Variants in L1CAM observed in about 807,000 individuals in gnomAD.
L1CAM encodes neural cell adhesion molecule L1.
Under a neutral mutation model 93.0 loss-of-function variants are expected in L1CAM, and 8 were observed. That is an observed-to-expected ratio of 0.09 (90% CI 0.05 to 0.16). L1CAM has a LOEUF of 0.16. Ranked by LOEUF, L1CAM falls within the 10% of genes least tolerant of loss-of-function variation. The probability of loss-of-function intolerance (pLI) is 1.00; values close to 1 mark genes in which losing one functional copy is unlikely to be tolerated. For missense variants in L1CAM, 777 were observed against 1,073.4 expected (o/e 0.72, Z 3.86); for synonymous variants, 453 against 453.0 (o/e 1.00, Z 0.00).
chrX:153,872,906 C>T, intron 3 of L1CAM: 1 of 456,187 alleles, frequency 2.2e-6, no homozygotes, highest in South Asian at 3.2e-5. Context: ...CAAAGAGATG[C>T]CTGAGAAAGA....
In L1CAM at chrX:153,865,382, C is replaced by T; in HGVS notation, c.2666G>A (p.Ser889Asn). The T allele has an allele frequency of 8.3e-7, 1 of 1,211,463 alleles. No individual in the cohort carries two copies. Among genetic ancestry groups the T allele is most frequent in the Non-Finnish European group, 1.1e-6 (1 of 895,406 alleles). ...SVILSGLRPY[S>N]SYHLEVQAFN... ...GGCCTGCACCTCCAGGTGGTAGGAG[C>T]TATAGGGCCGCAAGCCACTGAGGAT... Residue 889 changes from serine to asparagine, a missense_variant, in exon 21 of 29, where the codon AGC (serine) becomes AAC (asparagine). This residue lies in a region of L1CAM where 574 missense variants were observed against 781.0 expected (regional missense o/e 0.73). Coordinates refer to ENST00000370060, the MANE Select transcript of L1CAM (RefSeq NM_001278116.2).
At chrX:153,872,064 C>A (rs782518672) in intron 5 of L1CAM, 88 bp downstream of exon 5, 62 of 826,069 alleles carry the variant, frequency 7.5e-5, no homozygotes, top group Non-Finnish European at 1.0e-4. Flanking sequence ...CCCCTCGCCA[C>A]GAGACAACTG....
chrX:153,865,129 T>G lies in L1CAM; in HGVS notation c.2831A>C (p.His944Pro), dbSNP rs782391071. 8.3e-7 allele frequency: 1 copy of G among 1,210,282 alleles called. No individual in the cohort carries two copies. The highest frequency in any genetic ancestry group is 2.2e-5 in the Admixed American group (1 of 46,006). Residue 944 changes from histidine (H) to proline (P), a missense_variant, in exon 22 of 29, where the codon CAC (histidine) becomes CCC (proline). This residue lies in a region of L1CAM where 71 missense variants were observed against 77.4 expected (regional missense o/e 0.92). Transcript: ENST00000370060. ...CACGTAGCCGGTGAGCACGCCGTTG[T>G]GGCTGAGTGGGGGCTGCCAGCGCAG... Reference protein sequence around the residue: ...LLLRWQPPLSHNGVLTGYVLS... With the variant: ...LLLRWQPPLSPNGVLTGYVLS...
In L1CAM at chrX:153,870,368, C is replaced by A; in HGVS notation, c.806+20G>T. On this transcript the variant is annotated intron_variant, in intron 8 of 28. Transcript: ENST00000370060. ...CGCCACCCTGCCCTGCCCTGCCCTG[C>A]CCTGGGTTCCCAGACTCACAAGCCC... 2.5e-6 allele frequency: 3 copies of A among 1,199,498 alleles called. No individual in the cohort carries two copies. The highest frequency in any genetic ancestry group is 2.2e-5 in the Admixed American group (1 of 46,153).
chrX:153,866,806 C>G lies in L1CAM; in HGVS notation c.2274G>C (p.Gly758=), dbSNP rs2071643. The G allele has an allele frequency of 6.6e-6, 8 of 1,211,440 alleles. No homozygotes were observed. Among genetic ancestry groups the G allele is most frequent in the Non-Finnish European group, 8.9e-6 (8 of 895,259 alleles). Residue 758 remains glycine, a synonymous_variant, in exon 19 of 29, where the codon GGG becomes GGC. Coordinates refer to ENST00000370060, the MANE Select transcript of L1CAM (RefSeq NM_001278116.2). ...TCTGCTCCTGCCAGGGCCCTCGTGT[C>G]CCCTGAGGGCGCCACTGCACGCGGT... ...VQYRVQWRPQ[G]TRGPWQEQIV... is the part of the protein sequence containing the mutation.
chrX:153,864,503 G>GGGGT, intron 24 of L1CAM, 26 bp from the exon 25 acceptor site: 1 of 1,209,909 alleles, frequency 8.3e-7, no homozygotes, highest in Non-Finnish European at 1.1e-6. Flanking sequence ...GGTGGCAGCA[G>GGGGT]GGGTGAGTCG....
At chrX:153,872,441 G>A in intron 4 of L1CAM, 87 bp from the exon 5 acceptor site, 1 of 996,347 alleles carries the variant, frequency 1.0e-6, no homozygotes, top group Non-Finnish European at 1.4e-6. Context: ...CAAGCAGCCA[G>A]GGCCCCCAGG....
rs367891075 is a variant in L1CAM, at chrX:153,864,724, C to T, written c.3047-20G>A. 9 of 1,211,995 alleles carry T rather than the reference C, an allele frequency of 7.4e-6. No individual in the cohort carries two copies. Among genetic ancestry groups the T allele is most frequent in the Middle Eastern group, 4.6e-4 (2 of 4,352 alleles). On this transcript the variant is annotated intron_variant, in intron 23 of 28. Coordinates refer to ENST00000370060, the MANE Select transcript of L1CAM (RefSeq NM_001278116.2). ...AGATCCCTGGGGGGATGCAGGGGAA[C>T]GAGGAGAGTGTGGCAGCTGCCAGGA...
chrX:153,863,617 C>A (rs990596473), intron 26 of L1CAM, 68 bp from the exon 27 acceptor site: 1 of 993,710 alleles, frequency 1.0e-6, no homozygotes, highest in Non-Finnish European at 1.4e-6. Context: ...GGCCCCTCTA[C>A]GCCCCGCACC....
chrX:153,869,479 A>G (rs2064746724), intron 11 of L1CAM, 41 bp downstream of exon 11: 2 of 1,201,705 alleles, frequency 1.7e-6, no homozygotes, highest in Non-Finnish European at 2.3e-6. Flanking sequence ...GGCTGCAGGG[A>G]CAGACTGGGA....
chrX:153,872,978 G>A lies in L1CAM; in HGVS notation c.91+250C>T, dbSNP rs2064786034. On this transcript the variant is annotated intron_variant, in intron 3 of 28. Coordinates refer to ENST00000370060, the MANE Select transcript of L1CAM (RefSeq NM_001278116.2). ...AAGCCAAGACACAGAAACCAAGAAG[G>A]ACAAACCCCAGACAGGGGAGAAGGG... 6.6e-6 allele frequency: 3 copies of A among 452,582 alleles called. No homozygotes were observed. The Admixed American group carries it at 1.1e-4, about 17-fold the overall frequency. 37.3% of individuals were successfully genotyped at this position (452,582 alleles called of 1,213,427 possible).
chrX:153,877,763 C>T (rs1377903819), intron 1 of L1CAM, among the ~76,000 whole-genome samples: 1 of 112,724 alleles, frequency 8.9e-6, no homozygotes, highest in Non-Finnish European at 1.9e-5. Flanking sequence ...GGCCTCCTCC[C>T]TTCCAGATGC....
chrX:153,872,098 A>G (rs781902689), intron 5 of L1CAM, 54 bp downstream of exon 5: 8 of 1,057,992 alleles, frequency 7.6e-6, no homozygotes, highest in Admixed American at 4.4e-5. Flanking sequence ...TCCAGCCCAC[A>G]ATCCCACACG....
Position 153,862,652 on chromosome X carries a change from C to G in L1CAM, c.*11G>C. On this transcript the variant is annotated 3_prime_UTR_variant, in exon 29 of 29. Transcript: ENST00000370060. ...AGGCCAGGGGCACAGCATCTCCTGT[C>G]CTGGACTCCACTATTCTAGGGCCAC... The G allele has an allele frequency of 2.5e-6, 3 of 1,188,397 alleles. No homozygotes were observed. The South Asian group carries it at 5.4e-5, about 21-fold the overall frequency.
intron 18 of L1CAM, 80 bp from the exon 19 acceptor site, chrX:153,866,951 A>G (rs2064719752): frequency 1.8e-6 from 2 of 1,115,618 alleles, no homozygotes; most frequent in Non-Finnish European, 2.5e-6. Flanking sequence ...ACAAACCAGC[A>G]TCCCCAGACA....
Position 153,875,888 on chromosome X carries a change from G to C in L1CAM, c.-52C>G. On this transcript the variant is annotated 5_prime_UTR_variant, in exon 2 of 29. Coordinates refer to ENST00000370060, the MANE Select transcript of L1CAM (RefSeq NM_001278116.2). ...GCCAGCCGGGCTCGGTTCAGGCTCC[G>C]GCCGGAGGGGAAGGGGGCTGGTGGG... 1 of 1,127,566 alleles carries C rather than the reference G, an allele frequency of 8.9e-7. No individual in the cohort carries two copies. The highest frequency in any genetic ancestry group is 1.2e-6 in the Non-Finnish European group (1 of 829,135). The allele number at this position is 1,127,566 out of a possible 1,213,427, so 92.9% of individuals were successfully genotyped here.
At chrX:153,883,747 C>T (rs1273504422) in intron 1 of L1CAM, 1 of 340,967 alleles carries the variant, frequency 2.9e-6, no homozygotes, top group Non-Finnish European at 5.9e-6. Context: ...CCTGGCAGAC[C>T]TCCTCACAGG....
intron 1 of L1CAM, among the ~76,000 whole-genome samples, chrX:153,883,190 C>G (rs781829963): frequency 1.8e-5 from 2 of 110,883 alleles, no homozygotes; most frequent in African/African-American, 6.6e-5. Flanking sequence ...GCAGGGGCAG[C>G]TGGGGGGGAC....
In L1CAM at chrX:153,865,354, A is replaced by C; in HGVS notation, c.2694T>G (p.Phe898Leu). The change falls in exon 21 of 29, where the codon TTT becomes TTG. Residue 898 changes from phenylalanine to leucine, a missense_variant. By Grantham distance (22) the Phe-to-Leu change is conservative (BLOSUM62 0). This residue lies in a region of L1CAM where 574 missense variants were observed against 781.0 expected (regional missense o/e 0.73). Coordinates refer to ENST00000370060, the MANE Select transcript of L1CAM (RefSeq NM_001278116.2). ...YSSYHLEVQA[F>L]NGRGSGPASE... ...TGGCGGGCCCCGATCCTCGCCCGTT[A>C]AAGGCCTGCACCTCCAGGTGGTAGG... The C allele has an allele frequency of 8.3e-7, 1 of 1,211,283 alleles. No homozygotes were observed. Among genetic ancestry groups the C allele is most frequent in the Non-Finnish European group, 1.1e-6 (1 of 895,419 alleles).
Sources: gnomAD v4.1 joint callset for allele counts (sites outside exome capture counted in the v4.1 genomes callset) on GRCh38, gnomAD v4.1.1 for gene constraint, gnomAD v4.1.1 regional missense constraint, MANE v1.5 for transcripts, NCBI Gene and HGNC (gene_info 2026-07-23, HGNC 2026-07-21) for gene names.